The following ARID5B variants were observed in gnomAD, a reference collection of about 807,000 sequenced individuals.
The protein encoded by ARID5B is AT-rich interactive domain-containing protein 5B.
ARID5B carries 13 observed loss-of-function variants against 97.2 expected under a neutral mutation model. The ratio of observed to expected loss-of-function variants is 0.13; its 90% CI spans 0.09 to 0.21. The LOEUF (loss-of-function observed/expected upper bound fraction) is 0.21. ARID5B is among the 10% of genes least tolerant of loss of function. The pLI is 1.00. For missense variants in ARID5B, 1,210 were observed against 1,465.3 expected (o/e 0.83, Z 2.84); for synonymous variants, 556 against 570.3 (o/e 0.97, Z 0.36).
At chr10:61,903,245 C>A (rs909052650) in intron 2 of ARID5B, among the ~76,000 whole-genome samples, 5 of 152,036 alleles carry the variant, frequency 3.3e-5, no homozygotes, top group Non-Finnish European at 5.9e-5. Context: ...GTTCTCCGTG[C>A]CCAGACGGCG....
intron 2 of ARID5B, among the ~76,000 whole-genome samples, chr10:61,911,770 C>A (rs1179413869): frequency 1.3e-5 from 2 of 152,132 alleles, no homozygotes; most frequent in Admixed American, 6.5e-5. Flanking sequence ...AGAAGGGTGC[C>A]TTTGTCTTGC....
chr10:62,019,785 TC>T (rs1364550663), intron 4 of ARID5B, among the ~76,000 whole-genome samples: 5 of 152,230 alleles, frequency 3.3e-5, no homozygotes, highest in African/African-American at 7.2e-5. Flanking sequence ...ACTTTTAGTC[TC>T]TTTCCTGTGG....
At chr10:61,993,522 T>A (rs941973976) in intron 3 of ARID5B, among the ~76,000 whole-genome samples, 3 of 152,180 alleles carry the variant, frequency 2.0e-5, no homozygotes, top group African/African-American at 7.2e-5. Flanking sequence ...GAAATTATAT[T>A]CTCTTTTTTT....
intron 4 of ARID5B, among the ~76,000 whole-genome samples, chr10:62,005,726 G>T (rs757473946): frequency 6.6e-6 from 1 of 152,192 alleles, no homozygotes; most frequent in Admixed American, 6.5e-5. Flanking sequence ...GGAAATTCAG[G>T]ACGTATAAAA....
intron 3 of ARID5B, among the ~76,000 whole-genome samples, chr10:61,995,974 T>A (rs1838990188): frequency 6.6e-6 from 1 of 152,196 alleles, no homozygotes; most frequent in African/African-American, 2.4e-5. Context: ...AACAAAGTTA[T>A]CATTTGTGTT....
rs552188195 is a variant in ARID5B at position 62,096,573 on chromosome 10, C to G, written c.*3543C>G. 4.3e-6 allele frequency: 1 copy of G among 233,450 alleles called. No individual in the cohort carries two copies. Among genetic ancestry groups the G allele is most frequent in the African/African-American group, 2.2e-5 (1 of 45,462 alleles). 14.5% of individuals were successfully genotyped at this position (233,450 alleles called of 1,614,324 possible). A position where few individuals can be genotyped will look rare whatever the true frequency, so the allele number is the denominator to read the frequency against. On this transcript the variant is annotated 3_prime_UTR_variant, in exon 10 of 10. Coordinates refer to ENST00000279873, the MANE Select transcript of ARID5B (RefSeq NM_032199.3). ...TTGAAATATGTCTGAAGAATAGCAG[C>G]ATAATCTCTTGGCTGTTTATACTTT...
At chr10:61,947,360 C>T (rs1298435595) in intron 3 of ARID5B, among the ~76,000 whole-genome samples, 1 of 149,582 alleles carries the variant, frequency 6.7e-6, no homozygotes, top group Non-Finnish European at 1.5e-5. Context: ...CGTCTGCTTC[C>T]TGGGTTCAAG....
At position 62,027,285 on chromosome 10, in the gene ARID5B, C is replaced by CTTT. The variant is rs777291593; in HGVS notation, c.734-23564_734-23562dup. ...TGATGCATTAGCCTCACAGTATCTC[C>CTTT]TTTTTTTTTTTTTTTTTTTTTTTTT... On this transcript the variant is annotated intron_variant, in intron 4 of 9. Coordinates refer to ENST00000279873, the MANE Select transcript of ARID5B (RefSeq NM_032199.3). 4.5e-4 allele frequency among the ~76,000 whole-genome samples: 30 copies of CTTT among 67,406 alleles called. 3 individuals are homozygous for CTTT. Among genetic ancestry groups the CTTT allele is most frequent in the Middle Eastern group, 0.013 (1 of 76 alleles). The allele number at this position is 67,406 out of a possible 152,430, so 44.2% of individuals were successfully genotyped here. A position where few individuals can be genotyped will look rare whatever the true frequency, so the allele number is the denominator to read the frequency against.
At chr10:62,053,996 C>T (rs1224085457) in intron 5 of ARID5B, among the ~76,000 whole-genome samples, 4 of 152,104 alleles carry the variant, frequency 2.6e-5, no homozygotes, top group Admixed American at 2.0e-4. Context: ...TCTTACTGCC[C>T]CAGTTGAAGG....
At chr10:61,978,893 C>G (rs994562370) in intron 3 of ARID5B, among the ~76,000 whole-genome samples, 8 of 152,192 alleles carry the variant, frequency 5.3e-5, no homozygotes, top group Non-Finnish European at 1.2e-4. Flanking sequence ...ACTTCCAACA[C>G]TATGTTGAAT....
intron 3 of ARID5B, among the ~76,000 whole-genome samples, chr10:61,944,805 T>C (rs1358348690): frequency 6.6e-6 from 1 of 152,334 alleles, no homozygotes; most frequent in East Asian, 1.9e-4. Context: ...CCACAAACTG[T>C]CTGTGGATGG....
intron 4 of ARID5B, among the ~76,000 whole-genome samples, chr10:62,018,614 G>A (rs879223270): frequency 2.3e-5 from 1 of 44,020 alleles, no homozygotes; most frequent in Non-Finnish European, 4.7e-5. Flanking sequence ...CCCCTCCCCC[G>A]CCCCCACCAC....
At chr10:61,993,279 G>T (rs1047647642) in intron 3 of ARID5B, among the ~76,000 whole-genome samples, 2 of 152,046 alleles carry the variant, frequency 1.3e-5, no homozygotes, top group African/African-American at 4.8e-5. Flanking sequence ...GAAAAATACG[G>T]CAGGACACAG....
intron 4 of ARID5B, among the ~76,000 whole-genome samples, chr10:62,042,914 CA>C (rs34887438): frequency 0.37 from 44,505 of 120,948 alleles, 7,407 homozygotes; most frequent in East Asian, 0.59. Context: ...GAGTCTGTCC[CA>C]AAAAAAAAAA....
intron 4 of ARID5B, among the ~76,000 whole-genome samples, chr10:62,012,689 C>T (rs958495074): frequency 2.0e-5 from 3 of 152,184 alleles, no homozygotes; most frequent in Admixed American, 6.5e-5. Flanking sequence ...TCAGTGTTAT[C>T]GATTTCCCTC....
At chr10:61,925,935 G>T (rs1394794749) in intron 2 of ARID5B, among the ~76,000 whole-genome samples, 5 of 152,168 alleles carry the variant, frequency 3.3e-5, no homozygotes, top group African/African-American at 1.2e-4. Context: ...CTTGTGCCCG[G>T]ATGGATTTCC....
chr10:61,950,461 G>A (rs913041963), intron 3 of ARID5B, among the ~76,000 whole-genome samples: 2 of 152,228 alleles, frequency 1.3e-5, no homozygotes, highest in African/African-American at 4.8e-5. Flanking sequence ...TTGAGGCCAG[G>A]AGTTCAAGAG....
intron 3 of ARID5B, among the ~76,000 whole-genome samples, chr10:61,963,463 C>T (rs1346078666): frequency 2.6e-5 from 4 of 152,222 alleles, no homozygotes; most frequent in Non-Finnish European, 4.4e-5. Context: ...ACAGGAAGAG[C>T]GGCATGTCCC....
At chr10:62,056,178 T>C (rs7898906) in intron 5 of ARID5B, among the ~76,000 whole-genome samples, 90,055 of 151,998 alleles carry the variant, frequency 0.59, 26,977 homozygotes, top group Non-Finnish European at 0.62. Context: ...GGTTAGCCGC[T>C]CGATATGCCA....
Sources: gnomAD v4.1 joint callset for allele counts (sites outside exome capture counted in the v4.1 genomes callset) on GRCh38, gnomAD v4.1.1 for gene constraint, MANE v1.5 for transcripts, NCBI Gene and HGNC (gene_info 2026-07-23, HGNC 2026-07-21) for gene names.